Variants in PRR5 observed in about 807,000 individuals in gnomAD.
PRR5 encodes the protein proline-rich protein 5.
Under a neutral mutation model 30.6 loss-of-function variants are expected in PRR5, and 25 were observed. The observed-to-expected ratio is 0.82, with a 90% CI of 0.60 to 1.14. The LOEUF is 1.14. PRR5 is among the 50% of genes most tolerant of loss of function. The pLI is 0.00. For synonymous variants in PRR5, 286 were observed against 247.1 expected, an observed-to-expected ratio of 1.16 and a Z score of -1.48; for missense variants, 600 against 547.1, an observed-to-expected ratio of 1.10 and a Z score of -0.96.
At chr22:44,697,643 G>A (rs534578024), upstream of PRR5, among the ~76,000 whole-genome samples, 6 of 152,348 alleles carry the variant, frequency 3.9e-5, no homozygotes, top group South Asian at 2.1e-4. Flanking sequence ...CAGGCAGGGC[G>A]TGGGCAACTG....
At chr22:44,733,501 C>A (rs1025572178) in intron 6 of PRR5, among the ~76,000 whole-genome samples, 9 of 152,154 alleles carry the variant, frequency 5.9e-5, no homozygotes, top group Admixed American at 5.2e-4. Flanking sequence ...AAGGAAGGGG[C>A]GGCCAGTGTG....
At chr22:44,707,795 C>T (rs900015029) in intron 1 of PRR5, among the ~76,000 whole-genome samples, 6 of 152,214 alleles carry the variant, frequency 3.9e-5, no homozygotes, top group Non-Finnish European at 8.8e-5. Context: ...CAGACCCCTC[C>T]ATGTGTTTGG....
At position 44,705,204 on chromosome 22, in the gene PRR5, T is replaced by C. The variant is rs190862886; in HGVS notation, c.134+2596T>C. Among the ~76,000 whole-genome samples the C allele has an allele frequency of 1.5e-3, 235 of 152,306 alleles. 3 individuals are homozygous for C. The highest frequency in any genetic ancestry group is 0.013 in the Admixed American group (199 of 15,292). On this transcript the variant is annotated intron_variant, in intron 1 of 7. Transcript: ENST00000336985. ...TCCAGGTGTCGCTCCCACCAGAGGC[T>C]CTAGGGGAGGAGCTTCTTGAAGCTT...
intron 1 of PRR5, among the ~76,000 whole-genome samples, chr22:44,696,134 G>C (rs1177152915): frequency 6.6e-6 from 1 of 151,972 alleles, no homozygotes; most frequent in East Asian, 1.9e-4. Flanking sequence ...ATGTTGGCCA[G>C]GCTGGTCTGG....
intron 1 of PRR5, among the ~76,000 whole-genome samples, chr22:44,696,750 T>C (rs1475858402): frequency 2.6e-5 from 4 of 152,046 alleles, no homozygotes; most frequent in Non-Finnish European, 5.9e-5. Context: ...TTTATTTATT[T>C]ATTTGAGATG....
At chr22:44,729,737 C>T (rs1325870100) in intron 4 of PRR5, 8 of 985,372 alleles carry the variant, frequency 8.1e-6, no homozygotes, top group Middle Eastern at 5.2e-4. Context: ...CTCTCGTCAC[C>T]GTGTGGCTCC....
At position 44,710,713 on chromosome 22, in the gene PRR5, T is replaced by TG. The variant is rs200231616; in HGVS notation, c.135-3873dup. 5.2e-3 allele frequency among the ~76,000 whole-genome samples: 789 copies of TG among 152,088 alleles called. 6 individuals are homozygous for TG. Among genetic ancestry groups the TG allele is most frequent in the African/African-American group, 0.018 (735 of 41,474 alleles). On this transcript the variant is annotated intron_variant, in intron 1 of 7. Coordinates refer to ENST00000336985, the MANE Select transcript of PRR5 (RefSeq NM_181333.4). ...TGGAGAGGAGCAGAGGTCCTGGGTG[T>TG]GGGGGAGGGGCCTCTGCGGGTGCCA...
intron 4 of PRR5, among the ~76,000 whole-genome samples, chr22:44,728,379 C>G (rs1034356553): frequency 2.0e-5 from 3 of 152,196 alleles, no homozygotes; most frequent in African/African-American, 7.2e-5. Flanking sequence ...ACATGTCAGG[C>G]CCAGGTGACC....
At chr22:44,719,876 C>G (rs912856979) in intron 2 of PRR5, among the ~76,000 whole-genome samples, 1 of 152,216 alleles carries the variant, frequency 6.6e-6, no homozygotes, top group Non-Finnish European at 1.5e-5. Flanking sequence ...AAGCAGCAAA[C>G]CCCCTGGATG....
Position 44,685,177 on chromosome 22 carries a change from T to G in PRR5, c.-11+7937T>G, listed in dbSNP as rs184358717. On this transcript the variant is annotated intron_variant, in intron 1 of 8. Coordinates refer to the PRR5 transcript ENST00000006251. Reference sequence around the variant, plus strand: ...GGTCTGCCCCAGGTCGGAGGGTAGATGGGTACGCAGTGCCAGCACCCAGTA... The same window carrying G: ...GGTCTGCCCCAGGTCGGAGGGTAGAGGGGTACGCAGTGCCAGCACCCAGTA... 1.0e-3 allele frequency among the ~76,000 whole-genome samples: 157 copies of G among 152,188 alleles called. 2 individuals are homozygous for G. Among genetic ancestry groups the G allele is most frequent in the Admixed American group, 0.01 (156 of 15,284 alleles).
At chr22:44,714,147 C>T (rs1328269821) in intron 1 of PRR5, among the ~76,000 whole-genome samples, 3 of 152,104 alleles carry the variant, frequency 2.0e-5, no homozygotes, top group Non-Finnish European at 2.9e-5. Flanking sequence ...ATGAGGGGGT[C>T]GGGAGCCCCA....
upstream of PRR5, among the ~76,000 whole-genome samples, chr22:44,675,562 A>G (rs771061400): frequency 6.6e-6 from 1 of 152,160 alleles, no homozygotes; most frequent in African/African-American, 2.4e-5. Flanking sequence ...CTCCACATGC[A>G]CAATGACGTG....
At chr22:44,723,849 A>C (rs931288533) in intron 2 of PRR5, among the ~76,000 whole-genome samples, 29 of 152,310 alleles carry the variant, frequency 1.9e-4, no homozygotes, top group African/African-American at 6.7e-4. Context: ...TTTTTCTTGT[A>C]TCCATTTTTA....
At chr22:44,692,305 C>A (rs566599618) in intron 1 of PRR5, among the ~76,000 whole-genome samples, 49 of 133,692 alleles carry the variant, frequency 3.7e-4, no homozygotes, top group African/African-American at 1.4e-3. Flanking sequence ...CTCCCCCTCT[C>A]GGTGCTCCTC....
At chr22:44,682,731 C>T (rs1056540483) in intron 1 of PRR5, among the ~76,000 whole-genome samples, 38 of 152,120 alleles carry the variant, frequency 2.5e-4, no homozygotes, top group Non-Finnish European at 4.1e-4. Flanking sequence ...TGGTACCTGG[C>T]GTGTGGCCAG....
Position 44,714,685 on chromosome 22 carries a change from C to G in PRR5, c.215+14C>G. ...CGAGGGCGTCCGGTGAGTGCCTGTCCCACCTTGGTCCAGGGTCCTTGAGTG... is the reference window on the plus strand; with the variant it reads ...CGAGGGCGTCCGGTGAGTGCCTGTCGCACCTTGGTCCAGGGTCCTTGAGTG... On this transcript the variant is annotated intron_variant, in intron 2 of 7. Transcript: ENST00000336985. The G allele has an allele frequency of 6.2e-7, 1 of 1,613,536 alleles. No homozygotes were observed. The highest frequency in any genetic ancestry group is 1.3e-5 in the African/African-American group (1 of 75,040).
chr22:44,735,055 A>AG lies in PRR5; in HGVS notation c.586dup (p.Asp196GlyfsTer135). 1 of 1,612,514 alleles carries AG rather than the reference A, an allele frequency of 6.2e-7. No individual in the cohort carries two copies. Among genetic ancestry groups the AG allele is most frequent in the Non-Finnish European group, 8.5e-7 (1 of 1,179,318 alleles). On this transcript the variant is annotated frameshift_variant, in exon 7 of 8. Transcript: ENST00000336985. LOFTEE classifies it high-confidence loss of function. ...GTACATGAGTCCAGGGGCGTGACTGAGGACTACCTGCGCCTGGAGACGCTG... is the reference window on the plus strand; with the variant it reads ...GTACATGAGTCCAGGGGCGTGACTGAGGGACTACCTGCGCCTGGAGACGCTG...
chr22:44,731,692 C>T lies in PRR5; in HGVS notation c.323-38C>T, dbSNP rs201632032. ...GGGTGAGTGGAGGCATCTGCCCGCG[C>T]CAGTCAGGCCCAGTGGTGATGGCCC... On this transcript the variant is annotated intron_variant, in intron 4 of 7. Coordinates refer to ENST00000336985, the MANE Select transcript of PRR5 (RefSeq NM_181333.4). 34 of 1,606,094 alleles carry T rather than the reference C, an allele frequency of 2.1e-5. 1 individual carries two copies. The East Asian group carries it at 7.1e-4, about 34-fold the overall frequency.
intron 1 of PRR5, among the ~76,000 whole-genome samples, chr22:44,680,358 C>G (rs1045763373): frequency 6.6e-6 from 1 of 152,162 alleles, no homozygotes. Flanking sequence ...TGGCATGTCC[C>G]TCCCCCACCC....
Sources: allele counts gnomAD v4.1 joint callset (sites outside exome capture counted in the v4.1 genomes callset), GRCh38; gene constraint gnomAD v4.1.1; transcripts MANE v1.5; gene names NCBI Gene and HGNC (gene_info 2026-07-23, HGNC 2026-07-21).